SPG21: variants seen among roughly 807,000 people sequenced by gnomAD.
SPG21 encodes the protein maspardin.
Under a neutral mutation model 38.9 loss-of-function variants are expected in SPG21, and 26 were observed. That is an observed-to-expected ratio of 0.67 (90% confidence interval 0.49 to 0.93). SPG21 has a LOEUF of 0.93. Ranked by LOEUF, SPG21 falls within the 40% of genes least tolerant of loss-of-function variation. SPG21 has a pLI of 0.00. For synonymous variants in SPG21, 136 were observed against 128.9 expected, an observed-to-expected ratio of 1.05 and a Z score of -0.37; for missense variants, 333 against 376.5, an observed-to-expected ratio of 0.88 and a Z score of 0.96.
intron 1 of SPG21, among the ~76,000 whole-genome samples, chr15:64,986,645 A>G (rs2085998126): frequency 1.3e-5 from 2 of 152,094 alleles, no homozygotes; most frequent in Admixed American, 6.6e-5. Flanking sequence ...CCAAGACTGC[A>G]CTCCAGCCTG....
At chr15:64,969,147 GGCAGCAT>G in intron 7 of SPG21, 101 bp downstream of exon 7, 1 of 791,138 alleles carries the variant, frequency 1.3e-6, no homozygotes, top group South Asian at 1.5e-5. Context: ...CAAAAGCCAA[GGCAGCAT>G]TTGAAGAGGT....
rs112128191 is a variant in SPG21, at chr15:64,983,273, T to A, written c.63+234A>T. On this transcript the variant is annotated intron_variant, in intron 2 of 8. Transcript: ENST00000204566. ...CGAGACTCCATCTCAAAAATAAATATAAATAAATAAATAAATAAAAATGAG... is the reference window on the plus strand; with the variant it reads ...CGAGACTCCATCTCAAAAATAAATAAAAATAAATAAATAAATAAAAATGAG... The A allele has an allele frequency of 5.6e-3, 1,273 of 228,086 alleles. 9 individuals carry two copies. Among genetic ancestry groups the A allele is most frequent in the African/African-American group, 0.027 (1,178 of 43,814 alleles). 14.1% of individuals were successfully genotyped at this position (228,086 alleles called of 1,614,324 possible).
At position 64,975,159 on chromosome 15, in the gene SPG21, G is replaced by A. The variant is rs149727531; in HGVS notation, c.307-412C>T. On this transcript the variant is annotated intron_variant, in intron 4 of 8. Coordinates refer to ENST00000204566, the MANE Select transcript of SPG21 (RefSeq NM_016630.7). ...AAAAACTAGCCAGGCATGGTGGTGC[G>A]TGCCTGTAGTCCCAGCTACTCGGGA... 8.8e-3 allele frequency among the ~76,000 whole-genome samples: 1,333 copies of A among 151,794 alleles called. 20 individuals are homozygous for A. Among genetic ancestry groups the A allele is most frequent in the African/African-American group, 0.03 (1,238 of 41,350 alleles).
chr15:64,964,794 C>A (rs2085512119), intron 8 of SPG21, among the ~76,000 whole-genome samples: 1 of 151,604 alleles, frequency 6.6e-6, no homozygotes, highest in Admixed American at 6.6e-5. Context: ...CCACGTCCAG[C>A]TAATTTTTTT....
In SPG21 at chr15:64,969,442, G is replaced by A. The variant is rs867093996; in HGVS notation, c.562-80C>T. On this transcript the variant is annotated intron_variant, in intron 6 of 8. Transcript: ENST00000204566. ...CATTAAATCCACAGACAACATTTGT[G>A]CTTATAAAGGTGGTATCATCTGTGG... is the stretch of plus-strand genomic sequence containing the variant. The A allele has an allele frequency of 3.9e-5, 40 of 1,033,118 alleles. 1 individual carries two copies. The Middle Eastern group carries it at 1.4e-3, about 36-fold the overall frequency. The allele number at this position is 1,033,118 out of a possible 1,614,324, so 64.0% of individuals were successfully genotyped here. A position where few individuals can be genotyped will look rare whatever the true frequency, so the allele number is the denominator to read the frequency against.
chr15:64,986,710 CAAAAAACAAA>C (rs370385208), intron 1 of SPG21, among the ~76,000 whole-genome samples: 1 of 119,314 alleles, frequency 8.4e-6, no homozygotes, highest in East Asian at 2.2e-4. Flanking sequence ...CAAAACAAAA[CAAAAAACAAA>C]AAAACAAAAA....
intron 4 of SPG21, among the ~76,000 whole-genome samples, chr15:64,976,224 A>C (rs1475689523): frequency 6.6e-6 from 1 of 152,164 alleles, no homozygotes; most frequent in Non-Finnish European, 1.5e-5. Context: ...CAGGAGTTTG[A>C]GAGCAGCCTG....
chr15:64,974,765 T>A lies in SPG21; in HGVS notation c.307-18A>T. The A allele has an allele frequency of 6.2e-7, 1 of 1,614,002 alleles. No homozygotes were observed. ...AGATGAACCTAATTATAAACAAATA[T>A]AAGGCAGATTCTGAAATACTGATCA... On this transcript the variant is annotated intron_variant, in intron 4 of 8. Transcript: ENST00000204566.
At chr15:64,967,712 C>A (rs1325422450) in intron 7 of SPG21, among the ~76,000 whole-genome samples, 2 of 152,080 alleles carry the variant, frequency 1.3e-5, no homozygotes, top group African/African-American at 4.8e-5. Flanking sequence ...ACCTCATGAT[C>A]CACCCGCCTT....
At chr15:64,989,175 C>T (rs1429469201) in intron 1 of SPG21, 1 of 152,108 alleles carries the variant, frequency 6.6e-6, no homozygotes, top group African/African-American at 2.4e-5. Context: ...AAACCTTACA[C>T]CTGGCCCACA....
Position 64,965,476 on chromosome 15 carries a change from A to G in SPG21, c.670-16T>C. 6.2e-7 allele frequency: 1 copy of G among 1,614,206 alleles called. No individual in the cohort carries two copies. Among genetic ancestry groups the G allele is most frequent in the Admixed American group, 1.7e-5 (1 of 60,026 alleles). On this transcript the variant is annotated splice_polypyrimidine_tract_variant and intron_variant, in intron 7 of 8. Coordinates refer to ENST00000204566, the MANE Select transcript of SPG21 (RefSeq NM_016630.7). Reference sequence around the variant, plus strand: ...GATCAAACACCTTTAAAAAACACAAAGCTTCAGCACCATAGGAAAGGTAAA... The same window carrying G: ...GATCAAACACCTTTAAAAAACACAAGGCTTCAGCACCATAGGAAAGGTAAA...
intron 1 of SPG21, among the ~76,000 whole-genome samples, chr15:64,986,248 C>G (rs1240498694): frequency 6.6e-6 from 1 of 152,018 alleles, no homozygotes; most frequent in Admixed American, 6.6e-5. Flanking sequence ...CGCCCGTAGT[C>G]CCAGCTACTC....
intron 7 of SPG21, among the ~76,000 whole-genome samples, chr15:64,968,882 ATTTAT>A (rs1265299161): frequency 1.3e-5 from 2 of 152,080 alleles, no homozygotes; most frequent in Non-Finnish European, 2.9e-5. Context: ...CCTTGTTTAA[ATTTAT>A]TTTGATTCAT....
Position 64,970,238 on chromosome 15 carries a change from A to C in SPG21, c.453-16T>G. The C allele has an allele frequency of 6.3e-7, 1 of 1,594,294 alleles. No individual in the cohort carries two copies. The highest frequency in any genetic ancestry group is 1.3e-5 in the African/African-American group (1 of 74,620). ...CAGCCAAAAGCTGTAAAACACAAAGACCTTATAATTTAAACTTCCAAGACT... is the reference window on the plus strand; with the variant it reads ...CAGCCAAAAGCTGTAAAACACAAAGCCCTTATAATTTAAACTTCCAAGACT... On this transcript the variant is annotated splice_polypyrimidine_tract_variant and intron_variant, in intron 5 of 8. Coordinates refer to ENST00000204566, the MANE Select transcript of SPG21 (RefSeq NM_016630.7).
chr15:64,968,777 T>C (rs1405039012), intron 7 of SPG21, among the ~76,000 whole-genome samples: 2 of 152,248 alleles, frequency 1.3e-5, no homozygotes, highest in Non-Finnish European at 2.9e-5. Context: ...TTGTTACCCT[T>C]GTGAAGCACC....
Position 64,969,300 on chromosome 15 carries a change from A to C in SPG21, c.624T>G (p.Tyr208Ter). The C allele has an allele frequency of 6.2e-7, 1 of 1,614,190 alleles. No individual in the cohort carries two copies. The highest frequency in any genetic ancestry group is 8.5e-7 in the Non-Finnish European group (1 of 1,180,014). Residue 208 changes from tyrosine (Y) to a stop codon, truncating the protein, a stop_gained, in exon 7 of 9, where the codon TAT becomes TAG. Coordinates refer to ENST00000204566, the MANE Select transcript of SPG21 (RefSeq NM_016630.7). LOFTEE classifies it high-confidence loss of function. Reference sequence around the variant, plus strand: ...TGTCCCGAATTTTATGAGGTTCCACATAAGAATTTTGACAATTCAAGGTAA... The same window carrying C: ...TGTCCCGAATTTTATGAGGTTCCACCTAAGAATTTTGACAATTCAAGGTAA... ...SRLTLNCQNS[Y>*]VEPHKIRDIP... is the part of the protein sequence containing the mutation.
At chr15:64,976,315 T>C (rs991012570) in intron 4 of SPG21, among the ~76,000 whole-genome samples, 160 bp downstream of exon 4, 1 of 152,064 alleles carries the variant, frequency 6.6e-6, no homozygotes, top group Admixed American at 6.6e-5. Flanking sequence ...ATCCCAGCTA[T>C]TTTGGAGACT....
At chr15:64,980,337 GAGGT>G (rs973737636) in intron 3 of SPG21, among the ~76,000 whole-genome samples, 19 of 152,322 alleles carry the variant, frequency 1.2e-4, no homozygotes, top group African/African-American at 4.6e-4. Context: ...GCTGCCAAAA[GAGGT>G]TTGTTCCCTC....
At chr15:64,988,021 C>A (rs995187772) in intron 1 of SPG21, among the ~76,000 whole-genome samples, 1 of 150,992 alleles carries the variant, frequency 6.6e-6, no homozygotes, top group Non-Finnish European at 1.5e-5. Context: ...GCAACGAGAG[C>A]GAAACTCCAT....
Sources: allele counts gnomAD v4.1 joint callset (sites outside exome capture counted in the v4.1 genomes callset), GRCh38; gene constraint gnomAD v4.1.1; transcripts MANE v1.5; gene names NCBI Gene and HGNC (gene_info 2026-07-23, HGNC 2026-07-21).